The following GPT2 variants were observed in gnomAD, a reference collection of about 807,000 sequenced individuals.
GPT2 encodes the protein alanine aminotransferase 2.
GPT2 carries 30 observed loss-of-function variants against 56.9 expected under a neutral mutation model. The ratio of observed to expected loss-of-function variants is 0.53; its 90% confidence interval spans 0.39 to 0.72. The LOEUF is 0.72. Among genes scored for constraint, GPT2 ranks in the 30% least tolerant of loss-of-function variants. The pLI, the probability that GPT2 is intolerant of heterozygous loss-of-function variation, is 0.00. For missense variants in GPT2, 542 were observed against 703.4 expected (o/e 0.77, Z 2.60); for synonymous variants, 271 against 283.1 (o/e 0.96, Z 0.43).
intron 4 of GPT2, among the ~76,000 whole-genome samples, chr16:46,906,420 G>T (rs963211035): frequency 6.6e-6 from 1 of 152,202 alleles, no homozygotes; most frequent in Non-Finnish European, 1.5e-5. Flanking sequence ...GGAACCATGT[G>T]TAGGCAACCA....
At chr16:46,919,640 A>C (rs1961245041) in intron 8 of GPT2, among the ~76,000 whole-genome samples, 1 of 152,218 alleles carries the variant, frequency 6.6e-6, no homozygotes, top group African/African-American at 2.4e-5. Flanking sequence ...ATAGGAGGCC[A>C]GGTCACCTGG....
intron 7 of GPT2, 140 bp from the exon 8 acceptor site, chr16:46,918,481 C>A: frequency 1.1e-6 from 1 of 931,448 alleles, no homozygotes; most frequent in Non-Finnish European, 1.6e-6. Flanking sequence ...GCACACTTGG[C>A]TCATCCCTGG....
chr16:46,893,127 G>T (rs1368528213), intron 2 of GPT2, among the ~76,000 whole-genome samples: 3 of 151,484 alleles, frequency 2.0e-5, no homozygotes, highest in Non-Finnish European at 4.4e-5. Context: ...TTTTTTGTTT[G>T]TTTGTTTGTT....
chr16:46,889,246 ATTTTTTTTTTT>A (rs35803215), intron 2 of GPT2, among the ~76,000 whole-genome samples: 26 of 94,950 alleles, frequency 2.7e-4, no homozygotes, highest in Non-Finnish European at 4.1e-4. Context: ...CAGGCTGTTA[ATTTTTTTTTTT>A]TTTTTTTTTT....
At chr16:46,924,709 T>C (rs367902029) in intron 10 of GPT2, among the ~76,000 whole-genome samples, 165 bp downstream of exon 10, 4 of 152,196 alleles carry the variant, frequency 2.6e-5, no homozygotes, top group African/African-American at 7.2e-5. Flanking sequence ...GACAGGTTCT[T>C]GGAGGCCCAG....
At chr16:46,926,770 T>G (rs1961423562) in intron 10 of GPT2, among the ~76,000 whole-genome samples, 155 bp from the exon 11 acceptor site, 1 of 152,224 alleles carries the variant, frequency 6.6e-6, no homozygotes, top group South Asian at 2.1e-4. Context: ...CCACCAGCAG[T>G]ATCCCAGCGT....
rs780288991 is a variant in GPT2, at chr16:46,884,796, G to C, written c.81G>C (p.Ala27=). 6.6e-7 allele frequency: 1 copy of C among 1,513,254 alleles called. No homozygotes were observed. The highest frequency in any genetic ancestry group is 1.2e-5 in the South Asian group (1 of 80,456). The allele number at this position is 1,513,254 out of a possible 1,614,324, so 93.7% of individuals were successfully genotyped here. The part of the protein sequence containing the change: ...PSSWGRSQSS[A]AAEASAVLKV... ...CCTGGGGCCGCAGCCAGAGCAGCGC[G>C]GCCGCCGAGGCCTCGGCGGTGCTCA... is the stretch of plus-strand genomic sequence containing the variant. The change falls in exon 2 of 12, where the codon GCG becomes GCC. Residue 27 remains alanine (A), a synonymous_variant. Coordinates refer to ENST00000340124, the MANE Select transcript of GPT2 (RefSeq NM_133443.4).
At chr16:46,919,947 C>G (rs1019046105) in intron 8 of GPT2, among the ~76,000 whole-genome samples, 4 of 152,268 alleles carry the variant, frequency 2.6e-5, no homozygotes, top group African/African-American at 9.6e-5. Flanking sequence ...TGGCTCACGC[C>G]TGTGATCCAA....
At position 46,927,083 on chromosome 16, in the gene GPT2, G is replaced by A. The variant is rs1050047897; in HGVS notation, c.1481+46G>A. The A allele has an allele frequency of 8.2e-6, 10 of 1,214,738 alleles. No individual in the cohort carries two copies. The African/African-American group carries it at 1.5e-4, about 18-fold the overall frequency. The allele number at this position is 1,214,738 out of a possible 1,614,324, so 75.2% of individuals were successfully genotyped here. A position where few individuals can be genotyped will look rare whatever the true frequency, so the allele number is the denominator to read the frequency against. Reference sequence around the variant, plus strand: ...TAGGGGCTGGTCCGGGTCTTGTCCAGGGAAATGTGGACTTCTTGACATGGA... The same window carrying A: ...TAGGGGCTGGTCCGGGTCTTGTCCAAGGAAATGTGGACTTCTTGACATGGA... On this transcript the variant is annotated intron_variant, in intron 11 of 11. Coordinates refer to ENST00000340124, the MANE Select transcript of GPT2 (RefSeq NM_133443.4).
chr16:46,898,196 C>T (rs528644543), intron 3 of GPT2, among the ~76,000 whole-genome samples: 89 of 152,262 alleles, frequency 5.8e-4, no homozygotes, highest in African/African-American at 1.9e-3. Flanking sequence ...GTTGGCAGAG[C>T]GCCGCCTCGG....
chr16:46,916,492 G>C (rs529066057), intron 6 of GPT2, 136 bp from the exon 7 acceptor site: 37 of 710,522 alleles, frequency 5.2e-5, no homozygotes, highest in Non-Finnish European at 9.1e-5. Flanking sequence ...GCTGGGGAGG[G>C]GGGCCTCTGC....
At chr16:46,927,278 T>C (rs1348021280) in intron 11 of GPT2, among the ~76,000 whole-genome samples, 1 of 152,160 alleles carries the variant, frequency 6.6e-6, no homozygotes, top group East Asian at 1.9e-4. Flanking sequence ...GACTATTCTG[T>C]CTCTCCCCTC....
intron 4 of GPT2, among the ~76,000 whole-genome samples, chr16:46,905,151 G>C (rs529976030): frequency 7.9e-5 from 12 of 152,088 alleles, no homozygotes; most frequent in African/African-American, 2.4e-4. Context: ...CCACCTCCCG[G>C]GTTCAAGTGA....
chr16:46,906,863 G>A lies in GPT2; in HGVS notation c.464G>A (p.Gly155Asp). 6.2e-7 allele frequency: 1 copy of A among 1,614,232 alleles called. No homozygotes were observed. Among genetic ancestry groups the A allele is most frequent in the Non-Finnish European group, 8.5e-7 (1 of 1,180,040 alleles). ...NSLGSYSASQ[G>D]VNCIREDVAA... is the part of the protein sequence containing the mutation. ...ACAGGGTCCTACAGTGCTAGCCAGG[G>A]TGTCAACTGCATCCGTGAAGATGTG... The change falls in exon 5 of 12, where the codon GGT becomes GAT. Residue 155 changes from glycine to aspartate, a missense_variant. Gly to Asp is a moderately conservative substitution (Grantham distance 94, BLOSUM62 -1). Coordinates refer to ENST00000340124, the MANE Select transcript of GPT2 (RefSeq NM_133443.4).
At chr16:46,910,959 GC>G (rs755331852) in intron 6 of GPT2, among the ~76,000 whole-genome samples, 11 of 152,006 alleles carry the variant, frequency 7.2e-5, no homozygotes, top group Non-Finnish European at 1.5e-4. Flanking sequence ...GCAAAGACTT[GC>G]CTCCTTGAGA....
At chr16:46,903,452 G>A (rs1227064192) in intron 4 of GPT2, among the ~76,000 whole-genome samples, 4 of 151,876 alleles carry the variant, frequency 2.6e-5, no homozygotes, top group African/African-American at 4.8e-5. Context: ...GGGACTACAG[G>A]CACACACCAC....
At chr16:46,925,879 A>G (rs1178001123) in intron 10 of GPT2, among the ~76,000 whole-genome samples, 1 of 151,934 alleles carries the variant, frequency 6.6e-6, no homozygotes, top group East Asian at 1.9e-4. Context: ...CATGCCTGTA[A>G]TCACTTTTGG....
At position 46,884,751 on chromosome 16, in the gene GPT2, T is replaced by TGG; in HGVS notation, c.37_38dup (p.Pro14ValfsTer41). 1 of 1,425,538 alleles carries TGG rather than the reference T, an allele frequency of 7.0e-7. No homozygotes were observed. The highest frequency in any genetic ancestry group is 9.2e-7 in the Non-Finnish European group (1 of 1,088,580). 88.3% of individuals were successfully genotyped at this position (1,425,538 alleles called of 1,614,324 possible). On this transcript the variant is annotated frameshift_variant, in exon 2 of 12. Transcript: ENST00000340124. LOFTEE classifies it high-confidence loss of function. Reference sequence around the variant, plus strand: ...CGGCGGCGCTGGTCCGGCGGGGCTGTGGTCCCCGGACCCCCAGCTCCTGGG... The same window carrying TGG: ...CGGCGGCGCTGGTCCGGCGGGGCTGTGGGGTCCCCGGACCCCCAGCTCCTGGG...
intron 6 of GPT2, chr16:46,916,108 A>T (rs1420456991): frequency 6.5e-6 from 1 of 153,446 alleles, no homozygotes; most frequent in African/African-American, 2.4e-5. Context: ...GCACTTTGGG[A>T]GGCCGAGGCG....
Sources: allele counts gnomAD v4.1 joint callset (sites outside exome capture counted in the v4.1 genomes callset), GRCh38; gene constraint gnomAD v4.1.1; transcripts MANE v1.5; gene names NCBI Gene and HGNC (gene_info 2026-07-23, HGNC 2026-07-21).